RXRA: variants seen among roughly 807,000 people sequenced by gnomAD.
RXRA encodes retinoid X receptor alpha.
In RXRA, 5 loss-of-function variants were observed where a neutral mutation model predicts 44.5. The ratio of observed to expected loss-of-function variants is 0.11; its 90% CI spans 0.06 to 0.24. The LOEUF is 0.24. RXRA is among the 10% of genes least tolerant of loss of function. RXRA has a pLI of 1.00. For synonymous variants in RXRA, 291 were observed against 271.4 expected, an observed-to-expected ratio of 1.07 and a Z score of -0.71; for missense variants, 412 against 646.5, an observed-to-expected ratio of 0.64 and a Z score of 3.93.
rs1389787510 is a variant in RXRA, at chr9:134,349,524, C to T, written c.28+22865C>T. Among the ~76,000 whole-genome samples, 4 of 152,066 alleles carry T rather than the reference C, an allele frequency of 2.6e-5. No homozygotes were observed. The highest frequency in any genetic ancestry group is 7.2e-5 in the African/African-American group (3 of 41,400). ...GCGGGGGTGGCTCGGCCCTGAAGCT[C>T]GTGGCGGGCAGGAGTGTGCACGGAC... On this transcript the variant is annotated intron_variant, in intron 1 of 9. Transcript: ENST00000481739. The surrounding 1 kb of genome is among the most constrained non-coding windows in gnomAD (Gnocchi z 4.3).
rs1032768882 is a variant in RXRA, at chr9:134,361,413, C to T, written c.28+34754C>T. Among the ~76,000 whole-genome samples the T allele has an allele frequency of 4.6e-5, 7 of 152,296 alleles. 1 individual carries two copies. Among genetic ancestry groups the T allele is most frequent in the Admixed American group, 1.3e-4 (2 of 15,310 alleles). ...GGCATCTCCTGTGGGGAGGCCCCTTCCAAGGGTCTGCCTTGCCTACCTGGT... is the reference window on the plus strand; with the variant it reads ...GGCATCTCCTGTGGGGAGGCCCCTTTCAAGGGTCTGCCTTGCCTACCTGGT... On this transcript the variant is annotated intron_variant, in intron 1 of 9. Coordinates refer to ENST00000481739, the MANE Select transcript of RXRA (RefSeq NM_002957.6).
At chr9:134,329,424 G>T (rs1341985310) in intron 1 of RXRA, among the ~76,000 whole-genome samples, 1 of 152,258 alleles carries the variant, frequency 6.6e-6, no homozygotes, top group Non-Finnish European at 1.5e-5. Context: ...TGACTGGGGA[G>T]GTGTCAGGGA....
At chr9:134,329,996 T>TTTA (rs1554746461) in intron 1 of RXRA, among the ~76,000 whole-genome samples, 4 of 151,852 alleles carry the variant, frequency 2.6e-5, no homozygotes, top group Non-Finnish European at 4.4e-5. Flanking sequence ...GAAGGTGGTG[T>TTTA]GGGGGCGGGG....
chr9:134,419,179 C>T (rs540439689), intron 5 of RXRA, among the ~76,000 whole-genome samples: 2 of 152,346 alleles, frequency 1.3e-5, no homozygotes, highest in African/African-American at 4.8e-5. Context: ...GCCCTGCTCC[C>T]GCCTCACCAG....
intron 9 of RXRA, among the ~76,000 whole-genome samples, chr9:134,435,223 G>A (rs1355139241): frequency 6.6e-6 from 1 of 152,216 alleles, no homozygotes; most frequent in African/African-American, 2.4e-5. Context: ...GCCCCTGGAG[G>A]GGCCGTGTGG....
Position 134,436,669 on chromosome 9 carries a change from A to G in RXRA, c.*55A>G. 6.2e-7 allele frequency: 1 copy of G among 1,603,648 alleles called. No individual in the cohort carries two copies. On this transcript the variant is annotated 3_prime_UTR_variant, in exon 10 of 10. Transcript: ENST00000481739. Reference sequence around the variant, plus strand: ...GTTCTGGCCACCCTGCCTGGACGCCAGCTGTTCTTCTCAGCCTGAGCCCTG... The same window carrying G: ...GTTCTGGCCACCCTGCCTGGACGCCGGCTGTTCTTCTCAGCCTGAGCCCTG...
At chr9:134,340,228 C>T (rs551695531) in intron 1 of RXRA, among the ~76,000 whole-genome samples, 10 of 152,290 alleles carry the variant, frequency 6.6e-5, no homozygotes, top group African/African-American at 2.4e-4. Flanking sequence ...CCGTGCTGTC[C>T]GGCTCCCTCC....
chr9:134,327,953 G>A (rs574063018), intron 1 of RXRA, among the ~76,000 whole-genome samples: 14 of 152,286 alleles, frequency 9.2e-5, no homozygotes, highest in East Asian at 3.9e-4. Context: ...AGGGGTGGGC[G>A]CTCATGCCCA....
Position 134,426,306 on chromosome 9 carries a change from C to T in RXRA, c.911-2802C>T, listed in dbSNP as rs1354390597. On this transcript the variant is annotated intron_variant, in intron 6 of 9. Transcript: ENST00000481739. The surrounding 1 kb of genome is among the most constrained non-coding windows in gnomAD (Gnocchi z 4.6). ...GGGCCAGGAGCCCTCCTTCCTGCAG[C>T]GATGGAGCACTTAGGAAGGTGAAGA... is the stretch of plus-strand genomic sequence containing the variant. 16 of 985,406 alleles carry T rather than the reference C, an allele frequency of 1.6e-5. No homozygotes were observed. The East Asian group carries it at 3.4e-4, about 21-fold the overall frequency. 61.0% of individuals were successfully genotyped at this position (985,406 alleles called of 1,614,324 possible). A position where few individuals can be genotyped will look rare whatever the true frequency, so the allele number is the denominator to read the frequency against.
chr9:134,398,356 G>A (rs974338145), intron 1 of RXRA, among the ~76,000 whole-genome samples: 4 of 87,578 alleles, frequency 4.6e-5, no homozygotes, highest in African/African-American at 2.4e-4. Flanking sequence ...AAATGACCTG[G>A]AAGAGACAGA....
At chr9:134,376,930 G>A (rs945860478) in intron 1 of RXRA, among the ~76,000 whole-genome samples, 12 of 152,190 alleles carry the variant, frequency 7.9e-5, no homozygotes, top group African/African-American at 2.2e-4. Flanking sequence ...GCGGGCAGTC[G>A]CTGGGCTGAC....
chr9:134,411,885 G>A (rs1000990411), intron 4 of RXRA, among the ~76,000 whole-genome samples: 1 of 152,172 alleles, frequency 6.6e-6, no homozygotes, highest in Non-Finnish European at 1.5e-5. Context: ...TGCACAGCCA[G>A]GCCTGTGGAG....
At chr9:134,434,651 G>A (rs934566856) in intron 9 of RXRA, among the ~76,000 whole-genome samples, 4 of 152,172 alleles carry the variant, frequency 2.6e-5, no homozygotes, top group African/African-American at 4.8e-5. Context: ...CGGCCTGAGC[G>A]TAGCGCTCAT....
chr9:134,436,738 G>T lies in RXRA; in HGVS notation c.*124G>T. 1 of 1,005,116 alleles carries T rather than the reference G, an allele frequency of 9.9e-7. No individual in the cohort carries two copies. Among genetic ancestry groups the T allele is most frequent in the East Asian group, 2.5e-5 (1 of 39,840 alleles). 62.3% of individuals were successfully genotyped at this position (1,005,116 alleles called of 1,614,324 possible). On this transcript the variant is annotated 3_prime_UTR_variant, in exon 10 of 10. Transcript: ENST00000481739. ...TGGCCTGTTTGGACTTTGGGGCACA[G>T]CCTGTCACTGCTCTGCCTAAGAGAT...
intron 7 of RXRA, among the ~76,000 whole-genome samples, chr9:134,429,449 C>T (rs1377770370): frequency 2.0e-5 from 3 of 152,258 alleles, no homozygotes; most frequent in Admixed American, 1.3e-4. Flanking sequence ...CCACAGGGAG[C>T]ACTTGGCCTA....
chr9:134,432,184 G>C (rs1222536322), intron 8 of RXRA, among the ~76,000 whole-genome samples, 188 bp downstream of exon 8: 1 of 152,114 alleles, frequency 6.6e-6, no homozygotes, highest in African/African-American at 2.4e-5. Context: ...TTGAGGGCCA[G>C]CCAAGGGGGC....
chr9:134,392,234 A>G (rs941871710), intron 1 of RXRA, among the ~76,000 whole-genome samples: 1 of 151,608 alleles, frequency 6.6e-6, no homozygotes, highest in African/African-American at 2.4e-5. Flanking sequence ...TTCCACGGGG[A>G]CTCTGCCAGG....
At chr9:134,329,138 G>A (rs955566949) in intron 1 of RXRA, among the ~76,000 whole-genome samples, 5 of 152,222 alleles carry the variant, frequency 3.3e-5, no homozygotes, top group African/African-American at 1.2e-4. Flanking sequence ...GGAGAGACCC[G>A]GTGGCAAAGC....
At chr9:134,396,386 G>C (rs1288755361) in intron 1 of RXRA, among the ~76,000 whole-genome samples, 1 of 152,104 alleles carries the variant, frequency 6.6e-6, no homozygotes, top group African/African-American at 2.4e-5. Flanking sequence ...GTCCCCGCCA[G>C]CGCTGCCCTT....
Sources: allele counts gnomAD v4.1 joint callset (sites outside exome capture counted in the v4.1 genomes callset), GRCh38; gene constraint gnomAD v4.1.1; non-coding constraint Gnocchi (gnomAD v3.1); transcripts MANE v1.5; gene names NCBI Gene and HGNC (gene_info 2026-07-23, HGNC 2026-07-21).